Variants in PPARGC1A observed in about 807,000 individuals in gnomAD.
PPARGC1A encodes peroxisome proliferator-activated receptor gamma coactivator 1-alpha.
A neutral mutation model predicts 88.7 loss-of-function variants in PPARGC1A; 25 were observed. The observed-to-expected ratio is 0.28, with a 90% CI of 0.21 to 0.39. PPARGC1A has a LOEUF of 0.39. Ranked by LOEUF, PPARGC1A falls within the 10% of genes least tolerant of loss-of-function variation. The pLI, the probability that PPARGC1A is intolerant of heterozygous loss-of-function variation, is 1.00. For missense variants in PPARGC1A, 880 were observed against 968.7 expected (o/e 0.91, Z 1.22); for synonymous variants, 363 against 355.6 (o/e 1.02, Z -0.24).
the PPARGC1A span, among the ~76,000 whole-genome samples, chr4:24,256,993 C>T: frequency 0.14 from 22,017 of 152,108 alleles, 2,033 homozygotes; most frequent in Middle Eastern, 0.29. Context: ...ACAAAAAGAC[C>T]ACTGTAGGGA....
the PPARGC1A span, among the ~76,000 whole-genome samples, chr4:24,234,654 G>A: frequency 1.3e-5 from 2 of 152,170 alleles, no homozygotes; most frequent in Non-Finnish European, 2.9e-5. Context: ...GAGGAGAAAA[G>A]TAAGACGCTT....
chr4:23,947,475 G>T, the PPARGC1A span, among the ~76,000 whole-genome samples: 3 of 150,042 alleles, frequency 2.0e-5, no homozygotes, highest in African/African-American at 7.4e-5. Flanking sequence ...GGTAAGAAGT[G>T]AAGCTAGGAT....
the PPARGC1A span, among the ~76,000 whole-genome samples, chr4:24,354,059 CT>C: frequency 6.6e-6 from 1 of 152,168 alleles, no homozygotes; most frequent in South Asian, 2.1e-4. Flanking sequence ...CTGATCCTTC[CT>C]GGAGGCTCTA....
chr4:24,392,155 T>C, the PPARGC1A span, among the ~76,000 whole-genome samples: 1 of 152,178 alleles, frequency 6.6e-6, no homozygotes, highest in African/African-American at 2.4e-5. Flanking sequence ...AAAAAAATTA[T>C]CATGGGAAGG....
chr4:23,801,378 CAG>C (rs1228183431), intron 12 of PPARGC1A, among the ~76,000 whole-genome samples: 9 of 152,022 alleles, frequency 5.9e-5, no homozygotes, highest in Non-Finnish European at 1.0e-4. Flanking sequence ...ACAATATCCA[CAG>C]AGATACACAC....
chr4:24,321,452 C>T, the PPARGC1A span, among the ~76,000 whole-genome samples: 1 of 152,134 alleles, frequency 6.6e-6, no homozygotes, highest in Non-Finnish European at 1.5e-5. Flanking sequence ...CCACTAGGAG[C>T]TACTGTATTA....
At chr4:23,955,076 A>G in the PPARGC1A span, among the ~76,000 whole-genome samples, 3 of 152,098 alleles carry the variant, frequency 2.0e-5, no homozygotes, top group Non-Finnish European at 4.4e-5. Context: ...TTATACTTCA[A>G]TTGAAGAGAT....
At chr4:24,152,589 A>T in the PPARGC1A span, among the ~76,000 whole-genome samples, 24 of 152,310 alleles carry the variant, frequency 1.6e-4, no homozygotes, top group African/African-American at 5.1e-4. Context: ...GCCTTTGTAA[A>T]ATATTTGAAT....
chr4:23,990,140 G>T, the PPARGC1A span, among the ~76,000 whole-genome samples: 1 of 144,856 alleles, frequency 6.9e-6, no homozygotes, highest in African/African-American at 2.5e-5. Context: ...TATTAATTAT[G>T]TATATATAAT....
the PPARGC1A span, among the ~76,000 whole-genome samples, chr4:23,959,637 G>C: frequency 6.6e-6 from 1 of 152,032 alleles, no homozygotes; most frequent in African/African-American, 2.4e-5. Context: ...AATGAGTCTT[G>C]CTGCCCTTCT....
At chr4:24,388,186 A>C in the PPARGC1A span, among the ~76,000 whole-genome samples, 11 of 152,066 alleles carry the variant, frequency 7.2e-5, no homozygotes, top group Admixed American at 1.3e-4. Flanking sequence ...ATGAACAGAC[A>C]CTTCTCAAAA....
chr4:24,149,791 G>A, the PPARGC1A span, among the ~76,000 whole-genome samples: 263 of 152,272 alleles, frequency 1.7e-3, no homozygotes, highest in Middle Eastern at 3.4e-3. Context: ...AGTTCCTCCT[G>A]CATTAAGCTA....
the PPARGC1A span, among the ~76,000 whole-genome samples, chr4:24,372,722 T>A: frequency 4.7e-4 from 72 of 152,284 alleles, no homozygotes; most frequent in African/African-American, 1.7e-3. Context: ...CTGTGTGTAG[T>A]CTTGAGCAAG....
the PPARGC1A span, among the ~76,000 whole-genome samples, chr4:24,333,647 C>T: frequency 6.6e-6 from 1 of 151,930 alleles, no homozygotes; most frequent in African/African-American, 2.4e-5. Flanking sequence ...AAAATTGTCA[C>T]TAGTGGCGGT....
the PPARGC1A span, among the ~76,000 whole-genome samples, chr4:24,114,073 G>A: frequency 7.2e-5 from 10 of 139,606 alleles, no homozygotes; most frequent in East Asian, 1.1e-3. Flanking sequence ...GCAGTGAGCC[G>A]AGATCGTGCC....
At chr4:23,976,868 G>T in the PPARGC1A span, among the ~76,000 whole-genome samples, 5 of 152,238 alleles carry the variant, frequency 3.3e-5, 1 homozygote, top group African/African-American at 1.2e-4. Context: ...TAGGCCTGTG[G>T]TATCTTATAT....
At chr4:24,009,150 A>AAAAAAAAAGAGAGAG in the PPARGC1A span, among the ~76,000 whole-genome samples, 17 of 79,806 alleles carry the variant, frequency 2.1e-4, no homozygotes, top group Admixed American at 5.8e-4. Context: ...AAAAAAAAAA[A>AAAAAAAAAGAGAGAG]AGAGAGAGAA....
chr4:24,356,234 T>C, the PPARGC1A span, among the ~76,000 whole-genome samples: 2 of 149,076 alleles, frequency 1.3e-5, no homozygotes, highest in South Asian at 4.2e-4. Context: ...GAGGGAGAGA[T>C]AATGAGTTTA....
the PPARGC1A span, among the ~76,000 whole-genome samples, chr4:23,964,665 G>C: frequency 6.6e-6 from 1 of 152,238 alleles, no homozygotes; most frequent in South Asian, 2.1e-4. Flanking sequence ...TCATATGAAG[G>C]GATGAGATCA....
Sources: gnomAD v4.1 joint callset for allele counts (sites outside exome capture counted in the v4.1 genomes callset) on GRCh38, gnomAD v4.1.1 for gene constraint, MANE v1.5 for transcripts, NCBI Gene and HGNC (gene_info 2026-07-23, HGNC 2026-07-21) for gene names.